DLGAP2: variants seen among roughly 807,000 people sequenced by gnomAD.
DLGAP2 encodes the protein disks large-associated protein 2.
Under a neutral mutation model 100.3 loss-of-function variants are expected in DLGAP2, and 26 were observed. The ratio of observed to expected loss-of-function variants is 0.26; its 90% CI spans 0.19 to 0.36. The LOEUF is 0.36. DLGAP2 is among the 10% of genes least tolerant of loss of function. DLGAP2 has a pLI of 1.00. For missense variants in DLGAP2, 1,858 were observed against 1,453.2 expected (o/e 1.28, Z -4.53); for synonymous variants, 886 against 630.1 (o/e 1.41, Z -6.08).
At chr8:1,592,310 A>T (rs1468656774) in intron 6 of DLGAP2, among the ~76,000 whole-genome samples, 1 of 152,148 alleles carries the variant, frequency 6.6e-6, no homozygotes, top group Non-Finnish European at 1.5e-5. Context: ...TTCAGTAAAA[A>T]TCTTTAATTA....
intron 1 of DLGAP2, among the ~76,000 whole-genome samples, chr8:879,205 C>G (rs527699199): frequency 6.6e-6 from 1 of 152,204 alleles, no homozygotes; most frequent in Non-Finnish European, 1.5e-5. Flanking sequence ...GATACAAGAA[C>G]AAGTCCAGAG....
chr8:1,628,815 C>T (rs1797573658), intron 7 of DLGAP2, among the ~76,000 whole-genome samples: 1 of 152,216 alleles, frequency 6.6e-6, no homozygotes, highest in Admixed American at 6.5e-5. Context: ...GCCGACCTCA[C>T]ATTCTCTCTG....
intron 3 of DLGAP2, among the ~76,000 whole-genome samples, chr8:1,358,132 A>G (rs573031160): frequency 6.6e-6 from 1 of 152,318 alleles, no homozygotes; most frequent in African/African-American, 2.4e-5. Flanking sequence ...GTAAAATAAA[A>G]GAGAAAATCC....
In DLGAP2 at chr8:1,270,604, G is replaced by GT. The variant is rs530800572; in HGVS notation, c.106+11722dup. Among the ~76,000 whole-genome samples, 18 of 152,180 alleles carry GT rather than the reference G, an allele frequency of 1.2e-4. No homozygotes were observed. In the South Asian group the frequency reaches 3.8e-3, roughly 32 times the overall value. ...TTTGAAGTGGGGGCTTCTTAAGAACGTAACTTCTCTGACCCTGACGTTCTC... is the reference window on the plus strand; with the variant it reads ...TTTGAAGTGGGGGCTTCTTAAGAACGTTAACTTCTCTGACCCTGACGTTCTC... On this transcript the variant is annotated intron_variant, in intron 3 of 14. Coordinates refer to ENST00000637795, the MANE Select transcript of DLGAP2 (RefSeq NM_001346810.2).
At chr8:828,332 C>T (rs1218534008) in intron 1 of DLGAP2, among the ~76,000 whole-genome samples, 4 of 152,270 alleles carry the variant, frequency 2.6e-5, no homozygotes, top group Middle Eastern at 6.8e-3. Context: ...CCCGGGGGGG[C>T]CAGTTCAGAG....
At chr8:1,436,383 G>T (rs1272345527) in intron 3 of DLGAP2, among the ~76,000 whole-genome samples, 2 of 152,200 alleles carry the variant, frequency 1.3e-5, no homozygotes, top group African/African-American at 4.8e-5. Flanking sequence ...AGCCAGTCCA[G>T]TCCTTCCACC....
intron 3 of DLGAP2, among the ~76,000 whole-genome samples, chr8:1,364,109 C>T (rs982689712): frequency 3.3e-5 from 5 of 152,200 alleles, no homozygotes; most frequent in Admixed American, 1.3e-4. Context: ...ACACAGCTCT[C>T]GGCCCCACCC....
At chr8:905,502 C>G (rs1431913114) in intron 1 of DLGAP2, among the ~76,000 whole-genome samples, 1 of 152,172 alleles carries the variant, frequency 6.6e-6, no homozygotes, top group Non-Finnish European at 1.5e-5. Context: ...AAAACAGGCC[C>G]TGGCAGATGC....
At chr8:1,255,176 C>T (rs12549608) in intron 2 of DLGAP2, among the ~76,000 whole-genome samples, 581 of 54,640 alleles carry the variant, frequency 0.011, 2 homozygotes, top group South Asian at 0.025. Flanking sequence ...TGTGTGTGTG[C>T]CCTCTCATCC....
At chr8:1,224,929 C>T (rs11785814) in intron 2 of DLGAP2, among the ~76,000 whole-genome samples, 45,025 of 152,144 alleles carry the variant, frequency 0.3, 6,992 homozygotes, top group East Asian at 0.57. Flanking sequence ...CAAAATTAAT[C>T]GGAAGCAAAG....
chr8:1,651,558 G>C (rs1798164425), intron 8 of DLGAP2, among the ~76,000 whole-genome samples: 1 of 152,130 alleles, frequency 6.6e-6, no homozygotes, highest in Non-Finnish European at 1.5e-5. Flanking sequence ...ATGGCGGCTG[G>C]GGCGTCCATC....
intron 3 of DLGAP2, among the ~76,000 whole-genome samples, chr8:1,421,104 G>C (rs1001735473): frequency 2.6e-5 from 4 of 152,152 alleles, no homozygotes; most frequent in Non-Finnish European, 5.9e-5. Context: ...GTAGAAAATA[G>C]TAAAATAACT....
chr8:1,538,796 G>A (rs911849678), intron 4 of DLGAP2, among the ~76,000 whole-genome samples: 5 of 152,024 alleles, frequency 3.3e-5, no homozygotes, highest in Non-Finnish European at 7.4e-5. Context: ...GTCACGCCCC[G>A]GGTGGACATG....
At chr8:868,672 T>A (rs1293300125) in intron 1 of DLGAP2, among the ~76,000 whole-genome samples, 1 of 152,212 alleles carries the variant, frequency 6.6e-6, no homozygotes, top group Admixed American at 6.5e-5. Flanking sequence ...CGCGGCACCT[T>A]GAAGAAGGTG....
chr8:979,191 G>A (rs1369340755), intron 2 of DLGAP2, among the ~76,000 whole-genome samples: 1 of 152,180 alleles, frequency 6.6e-6, no homozygotes, highest in African/African-American at 2.4e-5. Flanking sequence ...CTTCACAAAG[G>A]AACATAATGG....
chr8:1,040,692 T>C (rs892234695), intron 2 of DLGAP2, among the ~76,000 whole-genome samples: 2 of 151,960 alleles, frequency 1.3e-5, no homozygotes, highest in Non-Finnish European at 2.9e-5. Flanking sequence ...GTTTCCGTGG[T>C]CGGCTCGGTG....
intron 2 of DLGAP2, among the ~76,000 whole-genome samples, chr8:1,000,911 C>G (rs544387886): frequency 6.6e-6 from 1 of 152,058 alleles, no homozygotes; most frequent in African/African-American, 2.4e-5. Context: ...TGGTTCCATG[C>G]GGCCTCCGAG....
intron 1 of DLGAP2, among the ~76,000 whole-genome samples, chr8:779,211 C>T (rs1053223411): frequency 8.5e-5 from 13 of 152,342 alleles, no homozygotes; most frequent in East Asian, 1.9e-4. Flanking sequence ...GCGCATGGTG[C>T]GCGCACCCAC....
At chr8:1,184,176 C>G (rs979885665) in intron 2 of DLGAP2, among the ~76,000 whole-genome samples, 1 of 152,150 alleles carries the variant, frequency 6.6e-6, no homozygotes, top group Non-Finnish European at 1.5e-5. Flanking sequence ...ACCGTCATGC[C>G]TCATTCTAAA....
Sources: gnomAD v4.1 joint callset for allele counts (sites outside exome capture counted in the v4.1 genomes callset) on GRCh38, gnomAD v4.1.1 for gene constraint, MANE v1.5 for transcripts, NCBI Gene and HGNC (gene_info 2026-07-23, HGNC 2026-07-21) for gene names.